RASSF2: variants seen among roughly 807,000 people sequenced by gnomAD.
RASSF2 encodes Ras association domain family member 2.
RASSF2 carries 34 observed loss-of-function variants against 46.3 expected under a neutral mutation model. The ratio of observed to expected loss-of-function variants is 0.73; its 90% CI spans 0.56 to 0.98. The LOEUF is 0.98. Among genes scored for constraint, RASSF2 ranks in the 50% least tolerant of loss-of-function variants. RASSF2 has a pLI of 0.00. For synonymous variants in RASSF2, 158 were observed against 162.5 expected (o/e 0.97, Z 0.21); for missense variants, 364 against 431.2 (o/e 0.84, Z 1.38).
rs758816530 is a variant in RASSF2, at chr20:4,790,557, C to T, written c.431G>A (p.Arg144His). 15 of 1,538,118 alleles carry T rather than the reference C, an allele frequency of 9.8e-6. No individual in the cohort carries two copies. The African/African-American group carries it at 1.2e-4, about 12-fold the overall frequency. Residue 144 changes from arginine to histidine, a missense_variant, in exon 7 of 12, where the codon CGC becomes CAC. Physicochemically the swap from Arg to His is conservative, Grantham distance 29 (BLOSUM62 0). Transcript: ENST00000379400. The surrounding 1 kb of genome is among the most constrained non-coding windows in gnomAD (Gnocchi z 4.3). ...QEDTPQLMRT[R>H]SDVGVRRRGN... is the part of the protein sequence containing the mutation. ...ACGGCGACGCACCCCAACATCACTG[C>T]GTGTGCGCATCAGCTGTGGGGTGTC...
intron 6 of RASSF2, 136 bp downstream of exon 6, chr20:4,792,403 G>A: frequency 6.6e-7 from 1 of 1,522,212 alleles, no homozygotes; most frequent in Non-Finnish European, 8.8e-7. Context: ...TGAGGTGGGT[G>A]ACTTAATTCT....
At position 4,800,828 on chromosome 20, in the gene RASSF2, A is replaced by G. The variant is rs569421853; in HGVS notation, c.59+144T>C. 7.2e-5 allele frequency: 51 copies of G among 707,960 alleles called. No homozygotes were observed. The Admixed American group carries it at 1.1e-3, about 15-fold the overall frequency. 43.9% of individuals were successfully genotyped at this position (707,960 alleles called of 1,614,324 possible). A position where few individuals can be genotyped will look rare whatever the true frequency, so the allele number is the denominator to read the frequency against. The stretch of plus-strand genomic sequence containing the variant: ...CTGACGCTCTTACAAGTCCAAGTTC[A>G]GCTGCTTGGCTCCTTCCCCCATGCA... On this transcript the variant is annotated intron_variant, in intron 3 of 11. Transcript: ENST00000379400.
At chr20:4,796,038 A>C in intron 4 of RASSF2, 72 bp from the exon 5 acceptor site, 1 of 1,428,692 alleles carries the variant, frequency 7.0e-7, no homozygotes, top group Non-Finnish European at 9.2e-7. Flanking sequence ...CTGAGGGACA[A>C]ATGACACATT....
chr20:4,818,342 C>T (rs900681299), intron 2 of RASSF2, among the ~76,000 whole-genome samples: 10 of 152,070 alleles, frequency 6.6e-5, no homozygotes, highest in Non-Finnish European at 1.2e-4. Context: ...GAGGTTCAAC[C>T]GGTTTGGGGC....
rs559051876 is a variant in RASSF2, at chr20:4,802,174, C to T, written c.-32-1112G>A. ...GCAGCCTCAAATCCCTGGGCTCCCTCGATCCCCCCGCCTCAGCCTCCCGAG... is the reference window on the plus strand; with the variant it reads ...GCAGCCTCAAATCCCTGGGCTCCCTTGATCCCCCCGCCTCAGCCTCCCGAG... On this transcript the variant is annotated intron_variant, in intron 2 of 11. Transcript: ENST00000379400. 5.3e-5 allele frequency among the ~76,000 whole-genome samples: 8 copies of T among 151,208 alleles called. No individual in the cohort carries two copies. The South Asian group carries it at 1.3e-3, about 24-fold the overall frequency.
Position 4,789,411 on chromosome 20 carries a change from C to A in RASSF2, c.639+185G>T, listed in dbSNP as rs1216976583. 6.6e-5 allele frequency among the ~76,000 whole-genome samples: 10 copies of A among 152,276 alleles called. No homozygotes were observed. In the Middle Eastern group the frequency reaches 0.01, roughly 155 times the overall value. Reference sequence around the variant, plus strand: ...CCTGAGAATCTGAATTTCTAACAAGCACCCAGGTGATGCTGATGCTGATTC... The same window carrying A: ...CCTGAGAATCTGAATTTCTAACAAGAACCCAGGTGATGCTGATGCTGATTC... On this transcript the variant is annotated intron_variant, in intron 8 of 11. Transcript: ENST00000379400.
intron 2 of RASSF2, among the ~76,000 whole-genome samples, chr20:4,811,742 A>G (rs1219396461): frequency 6.6e-6 from 1 of 152,218 alleles, no homozygotes; most frequent in Non-Finnish European, 1.5e-5. Flanking sequence ...ACCATGTCAC[A>G]GAAGCCAGAA....
chr20:4,814,572 G>T (rs914109113), intron 2 of RASSF2, among the ~76,000 whole-genome samples: 3 of 152,108 alleles, frequency 2.0e-5, no homozygotes, highest in Non-Finnish European at 2.9e-5. Context: ...CCCAGACCCC[G>T]GCAGGTTCCT....
In RASSF2 at chr20:4,780,281, C is replaced by G. The variant is rs1924675526; in HGVS notation, c.*3992G>C. On this transcript the variant is annotated 3_prime_UTR_variant, in exon 12 of 12. Transcript: ENST00000379400. ...TTCAGAAACGCTAGCAATTACACACCAGAAACATCAGCCTGGAAACAGGTC... is the reference window on the plus strand; with the variant it reads ...TTCAGAAACGCTAGCAATTACACACGAGAAACATCAGCCTGGAAACAGGTC... 1 of 152,154 alleles carries G rather than the reference C, an allele frequency of 6.6e-6. No individual in the cohort carries two copies. Among genetic ancestry groups the G allele is most frequent in the Non-Finnish European group, 1.5e-5 (1 of 68,042 alleles). 9.4% of individuals were successfully genotyped at this position (152,154 alleles called of 1,614,324 possible).
rs1276332192 is a variant in RASSF2, at chr20:4,790,156, G to A, written c.537+295C>T. ...GTGGATTTTCTTGGGAGAGACTGAT[G>A]AGCTGCGTTTATGGGGTCTTCAAGG... On this transcript the variant is annotated intron_variant, in intron 7 of 11. Coordinates refer to ENST00000379400, the MANE Select transcript of RASSF2 (RefSeq NM_014737.3). This position sits in a 1 kb window ranked among gnomAD's most constrained non-coding sequence, Gnocchi z 4.3. 6.6e-6 allele frequency among the ~76,000 whole-genome samples: 1 copy of A among 152,174 alleles called. No individual in the cohort carries two copies. Among genetic ancestry groups the A allele is most frequent in the Non-Finnish European group, 1.5e-5 (1 of 68,022 alleles).
intron 3 of RASSF2, 98 bp downstream of exon 3, chr20:4,800,874 T>C: frequency 9.9e-7 from 1 of 1,006,624 alleles, no homozygotes; most frequent in Non-Finnish European, 1.6e-6. Flanking sequence ...CAGTCTGATA[T>C]ACAGTGGGGG....
chr20:4,792,897 C>G, intron 5 of RASSF2: 1 of 524,852 alleles, frequency 1.9e-6, no homozygotes, highest in Non-Finnish European at 3.3e-6. Flanking sequence ...AGTAACACAC[C>G]CAACCAATTC....
chr20:4,792,032 C>G (rs1925920901), intron 6 of RASSF2, among the ~76,000 whole-genome samples: 1 of 152,066 alleles, frequency 6.6e-6, no homozygotes, highest in Non-Finnish European at 1.5e-5. Flanking sequence ...GGGCAGATCA[C>G]TTGAAGCCAG....
Position 4,820,708 on chromosome 20 carries a change from A to C in RASSF2, c.-33+1621T>G, listed in dbSNP as rs556793891. 3.9e-5 allele frequency among the ~76,000 whole-genome samples: 6 copies of C among 152,180 alleles called. No individual in the cohort carries two copies. In the South Asian group the frequency reaches 1.2e-3, roughly 32 times the overall value. ...GGCAGTTCTCAGCTACTACAGATTGAAGATAGAGGCTAAACATCTTGTTCC... is the reference window on the plus strand; with the variant it reads ...GGCAGTTCTCAGCTACTACAGATTGCAGATAGAGGCTAAACATCTTGTTCC... On this transcript the variant is annotated intron_variant, in intron 2 of 11. Coordinates refer to ENST00000379400, the MANE Select transcript of RASSF2 (RefSeq NM_014737.3).
At chr20:4,816,108 C>T (rs547915528) in intron 2 of RASSF2, among the ~76,000 whole-genome samples, 4 of 152,260 alleles carry the variant, frequency 2.6e-5, no homozygotes, top group Admixed American at 6.5e-5. Context: ...TCAAGACCAG[C>T]TTGGGCAACA....
At chr20:4,792,904 A>G in intron 5 of RASSF2, 1 of 495,364 alleles carries the variant, frequency 2.0e-6, no homozygotes, top group East Asian at 4.1e-5. Context: ...CACCCAACCA[A>G]TTCATCAAGC....
Position 4,783,926 on chromosome 20 carries a change from C to G in RASSF2, c.*347G>C, listed in dbSNP as rs763627546. 1.3e-4 allele frequency: 29 copies of G among 230,096 alleles called. No individual in the cohort carries two copies. The highest frequency in any genetic ancestry group is 2.1e-4 in the Non-Finnish European group (24 of 113,882). 14.3% of individuals were successfully genotyped at this position (230,096 alleles called of 1,614,324 possible). A position where few individuals can be genotyped will look rare whatever the true frequency, so the allele number is the denominator to read the frequency against. On this transcript the variant is annotated 3_prime_UTR_variant, in exon 12 of 12. Coordinates refer to ENST00000379400, the MANE Select transcript of RASSF2 (RefSeq NM_014737.3). The stretch of plus-strand genomic sequence containing the variant: ...GCTCACGAGCAGCACATGTGCCAAG[C>G]TCACGGCTCTTGTGCTGGTTGCCTG...
chr20:4,800,959 C>A lies in RASSF2; in HGVS notation c.59+13G>T, dbSNP rs751696770. On this transcript the variant is annotated intron_variant, in intron 3 of 11. Transcript: ENST00000379400. ...GGTCACTGAGGACAAAACACTCCAG[C>A]AAAACGTCTTACTTGGAAATGTATT... The A allele has an allele frequency of 3.7e-6, 6 of 1,606,506 alleles. No homozygotes were observed. The South Asian group carries it at 6.6e-5, about 18-fold the overall frequency.
intron 8 of RASSF2, among the ~76,000 whole-genome samples, 158 bp from the exon 9 acceptor site, chr20:4,788,426 G>A (rs1925557711): frequency 2.0e-5 from 3 of 152,212 alleles, no homozygotes; most frequent in Non-Finnish European, 4.4e-5. Context: ...TGAGAAGATC[G>A]AGAAGGCAGA....
Sources: allele counts gnomAD v4.1 joint callset (sites outside exome capture counted in the v4.1 genomes callset), GRCh38; gene constraint gnomAD v4.1.1; non-coding constraint Gnocchi (gnomAD v3.1); transcripts MANE v1.5; gene names NCBI Gene and HGNC (gene_info 2026-07-23, HGNC 2026-07-21).